The following DIAPH2 variants were observed in gnomAD, a reference collection of about 807,000 sequenced individuals.
DIAPH2 encodes protein diaphanous homolog 2.
In DIAPH2, 35 loss-of-function variants were observed where a neutral mutation model predicts 92.7. The observed-to-expected ratio is 0.38, with a 90% CI of 0.29 to 0.50. The LOEUF (loss-of-function observed/expected upper bound fraction) is 0.50, where lower values mean the gene tolerates loss of function less well. Ranked by LOEUF, DIAPH2 falls within the 20% of genes least tolerant of loss-of-function variation. DIAPH2 has a pLI of 0.94. For synonymous variants in DIAPH2, 301 were observed against 280.4 expected, an observed-to-expected ratio of 1.07 and a Z score of -0.73; for missense variants, 701 against 819.5, an observed-to-expected ratio of 0.86 and a Z score of 1.77.
intron 23 of DIAPH2, among the ~76,000 whole-genome samples, chrX:97,294,877 CT>C (rs1268725021): frequency 9.0e-6 from 1 of 111,578 alleles, no homozygotes; most frequent in Non-Finnish European, 1.9e-5. Context: ...ACTTCATCTG[CT>C]TTTATAATTT....
intron 4 of DIAPH2, among the ~76,000 whole-genome samples, chrX:96,785,788 CTTATATAATGGGATTAGCCTACCCAG>C (rs1326682563): frequency 9.0e-5 from 10 of 110,551 alleles, no homozygotes; most frequent in Non-Finnish European, 1.9e-4. Context: ...CGAATTTGCC[CTTATATAATGGGATTAGCCTACCCAG>C]TGGGACATAG....
chrX:97,186,846 C>T (rs1051486214), intron 22 of DIAPH2, among the ~76,000 whole-genome samples: 3 of 111,925 alleles, frequency 2.7e-5, no homozygotes, highest in African/African-American at 9.7e-5. Flanking sequence ...CTCCTCATTT[C>T]CACTATTTTG....
Position 97,603,361 on chromosome X carries a change from G to C in DIAPH2, c.*4044G>C, listed in dbSNP as rs1197104809. 9.0e-6 allele frequency: 1 copy of C among 110,916 alleles called. No individual in the cohort carries two copies. Among genetic ancestry groups the C allele is most frequent in the East Asian group, 2.8e-4 (1 of 3,553 alleles). The allele number at this position is 110,916 out of a possible 1,213,427, so 9.1% of individuals were successfully genotyped here. The stretch of plus-strand genomic sequence containing the variant: ...TAACCTCAAACTCCCAGGCTCAAGG[G>C]ATCCTCCTGCATCAGCCTTCCAAGT... On this transcript the variant is annotated 3_prime_UTR_variant, in exon 27 of 27. Transcript: ENST00000324765.
chrX:97,287,812 C>T (rs961335405), intron 23 of DIAPH2, among the ~76,000 whole-genome samples: 1 of 106,332 alleles, frequency 9.4e-6, no homozygotes, highest in Non-Finnish European at 1.9e-5. Flanking sequence ...CAAAATTGGC[C>T]GGGCCTAGTA....
chrX:97,179,243 T>C (rs2067519505), intron 22 of DIAPH2, among the ~76,000 whole-genome samples: 1 of 108,778 alleles, frequency 9.2e-6, no homozygotes, highest in Admixed American at 9.9e-5. Context: ...GCCTTTTTTT[T>C]TTTTTTTTTT....
At chrX:97,445,567 G>A (rs184843300) in intron 26 of DIAPH2, among the ~76,000 whole-genome samples, 4 of 108,909 alleles carry the variant, frequency 3.7e-5, no homozygotes, top group African/African-American at 1.3e-4. Context: ...ACAGGTGCCC[G>A]CCACCATGCC....
chrX:97,545,531 A>T (rs1406999894), intron 26 of DIAPH2, among the ~76,000 whole-genome samples: 16 of 19,074 alleles, frequency 8.4e-4, no homozygotes, highest in African/African-American at 1.2e-3. Flanking sequence ...TGAAAAAAAA[A>T]AAATATATAT....
At chrX:97,399,279 C>T (rs954961217) in intron 25 of DIAPH2, among the ~76,000 whole-genome samples, 1 of 111,383 alleles carries the variant, frequency 9.0e-6, no homozygotes, top group Non-Finnish European at 1.9e-5. Context: ...AGACTAGTTG[C>T]TTGTCTCACA....
At chrX:97,286,254 T>C (rs2068542027) in intron 23 of DIAPH2, among the ~76,000 whole-genome samples, 1 of 108,120 alleles carries the variant, frequency 9.2e-6, no homozygotes, top group Non-Finnish European at 1.9e-5. Context: ...TTTTACCATG[T>C]TGGCCACGCT....
At position 96,851,770 on chromosome X, in the gene DIAPH2, T is replaced by A. The variant is rs921966303; in HGVS notation, c.448-29809T>A. On this transcript the variant is annotated intron_variant, in intron 4 of 26. Coordinates refer to ENST00000324765, the MANE Select transcript of DIAPH2 (RefSeq NM_006729.5). ...GACTGTATTTTTACTGACAAAAGTT[T>A]AAACATAAAAGCAATAACCAAAAAA... Among the ~76,000 whole-genome samples the A allele has an allele frequency of 3.6e-4, 41 of 112,359 alleles. 1 individual carries two copies. The highest frequency in any genetic ancestry group is 1.2e-3 in the African/African-American group (38 of 30,961).
chrX:97,272,052 G>A (rs1230360110), intron 23 of DIAPH2, among the ~76,000 whole-genome samples: 1 of 110,108 alleles, frequency 9.1e-6, no homozygotes, highest in Non-Finnish European at 1.9e-5. Flanking sequence ...AGGCTGGAGT[G>A]CAATGGCATG....
At chrX:97,056,455 G>C (rs761329561) in intron 17 of DIAPH2, among the ~76,000 whole-genome samples, 4 of 111,513 alleles carry the variant, frequency 3.6e-5, no homozygotes, top group Non-Finnish European at 7.5e-5. Context: ...ATGACCATAC[G>C]TATTAAAGGG....
At chrX:97,525,874 T>C (rs2071021124) in intron 26 of DIAPH2, among the ~76,000 whole-genome samples, 2 of 112,349 alleles carry the variant, frequency 1.8e-5, no homozygotes, top group Admixed American at 1.9e-4. Flanking sequence ...GATAAACTGC[T>C]CATGCTCTGA....
At chrX:97,024,287 G>A (rs1257656405) in intron 17 of DIAPH2, among the ~76,000 whole-genome samples, 1 of 112,273 alleles carries the variant, frequency 8.9e-6, no homozygotes. Context: ...ATCAGTTAAT[G>A]TTACCAAACT....
chrX:97,483,401 G>GAC (rs760508385), intron 26 of DIAPH2, among the ~76,000 whole-genome samples: 2 of 109,956 alleles, frequency 1.8e-5, no homozygotes, highest in Admixed American at 2.0e-4. Flanking sequence ...GGGGGCAAAA[G>GAC]AGAGAGAGAG....
chrX:96,919,562 C>T (rs1202484268), intron 9 of DIAPH2, among the ~76,000 whole-genome samples: 1 of 111,705 alleles, frequency 9.0e-6, no homozygotes, highest in Non-Finnish European at 1.9e-5. Context: ...AGCTACTTAG[C>T]ATCGAATGTT....
intron 9 of DIAPH2, among the ~76,000 whole-genome samples, chrX:96,927,880 T>C (rs1164440246): frequency 1.8e-5 from 2 of 111,471 alleles, no homozygotes; most frequent in Non-Finnish European, 3.8e-5. Context: ...TTGCTTTTTT[T>C]CTGCATTACA....
At chrX:97,311,034 G>A (rs192435967) in intron 23 of DIAPH2, among the ~76,000 whole-genome samples, 6,383 of 111,015 alleles carry the variant, frequency 0.057, 199 homozygotes, top group African/African-American at 0.12. Flanking sequence ...GAAAAAATTA[G>A]AAAAAGAAAC....
chrX:96,775,353 T>TTTTGTGTGTG (rs1327844367), intron 4 of DIAPH2, among the ~76,000 whole-genome samples: 1 of 89,364 alleles, frequency 1.1e-5, no homozygotes, highest in Non-Finnish European at 2.2e-5. Flanking sequence ...CAACGTGTGC[T>TTTTGTGTGTG]TGTGTGTGTG....
Sources: allele counts gnomAD v4.1 joint callset (sites outside exome capture counted in the v4.1 genomes callset), GRCh38; gene constraint gnomAD v4.1.1; transcripts MANE v1.5; gene names NCBI Gene and HGNC (gene_info 2026-07-23, HGNC 2026-07-21).